FLNB: variants seen among roughly 807,000 people sequenced by gnomAD.
FLNB encodes the protein filamin-B.
Under a neutral mutation model 250.6 loss-of-function variants are expected in FLNB, and 111 were observed. The observed-to-expected ratio is 0.44, with a 90% CI of 0.38 to 0.52. The LOEUF is 0.52. FLNB is among the 20% of genes least tolerant of loss of function. FLNB has a pLI of 0.00. For synonymous variants in FLNB, 1,302 were observed against 1,372.1 expected (o/e 0.95, Z 1.13); for missense variants, 2,869 against 3,447.8 (o/e 0.83, Z 4.20).
intron 1 of FLNB, among the ~76,000 whole-genome samples, chr3:58,038,217 T>C (rs2097140910): frequency 6.6e-6 from 1 of 151,950 alleles, no homozygotes; most frequent in Non-Finnish European, 1.5e-5. Context: ...TTAGTAGAGA[T>C]GGGTTTTTGC....
rs79814779 is a variant in FLNB at position 58,130,302 on chromosome 3, T to C, written c.4223-439T>C. The stretch of plus-strand genomic sequence containing the variant: ...CTCGCCTCTAGGCTCCTGCATGTGC[T>C]GAGGCCTCTCTACTTGAAGCACCTC... On this transcript the variant is annotated intron_variant, in intron 24 of 45. Transcript: ENST00000295956. Among the ~76,000 whole-genome samples, 1,115 of 152,302 alleles carry C rather than the reference T, an allele frequency of 7.3e-3. 7 individuals carry two copies. The highest frequency in any genetic ancestry group is 0.01 in the Admixed American group (160 of 15,302).
chr3:58,089,512 C>T (rs541800282), intron 4 of FLNB, among the ~76,000 whole-genome samples: 2 of 148,660 alleles, frequency 1.3e-5, no homozygotes, highest in East Asian at 4.0e-4. Flanking sequence ...TGCCGTTGCC[C>T]TCCAGCCTGG....
intron 12 of FLNB, 133 bp downstream of exon 12, chr3:58,107,006 CCTG>C (rs1224437702): frequency 2.7e-6 from 2 of 739,226 alleles, no homozygotes; most frequent in Non-Finnish European, 4.8e-6. Context: ...AGGAAACAGG[CCTG>C]CATTTGTTTG....
At chr3:58,116,342 G>A (rs913458411) in intron 18 of FLNB, among the ~76,000 whole-genome samples, 4 of 152,208 alleles carry the variant, frequency 2.6e-5, no homozygotes, top group Admixed American at 6.5e-5. Flanking sequence ...TAACAGGCTG[G>A]AAATCCCCAG....
chr3:58,158,788 A>C (rs1031241040), intron 41 of FLNB, among the ~76,000 whole-genome samples: 17 of 152,184 alleles, frequency 1.1e-4, no homozygotes, highest in African/African-American at 4.1e-4. Context: ...AGCAAAAGCT[A>C]TGTCTTTCTA....
intron 1 of FLNB, among the ~76,000 whole-genome samples, chr3:58,054,195 T>C (rs1358920780): frequency 6.6e-6 from 1 of 152,180 alleles, no homozygotes; most frequent in African/African-American, 2.4e-5. Context: ...CTAAAGAACC[T>C]CCAAAGTTTA....
At chr3:58,104,110 C>G (rs761998967) in intron 10 of FLNB, 25 bp downstream of exon 10, 39 of 1,612,042 alleles carry the variant, frequency 2.4e-5, no homozygotes, top group East Asian at 4.5e-5. Flanking sequence ...GCAGAGGGGT[C>G]TTCTCTGGAG....
Position 58,057,778 on chromosome 3 carries a change from A to G in FLNB, c.293-19268A>G, listed in dbSNP as rs559914832. ...ATGGAATCTCAGATTTGGATCTAAT[A>G]CCACATGTAAGTCGAGTGGATTTTT... On this transcript the variant is annotated intron_variant, in intron 1 of 45. Transcript: ENST00000295956. Among the ~76,000 whole-genome samples, 6 of 152,234 alleles carry G rather than the reference A, an allele frequency of 3.9e-5. No individual in the cohort carries two copies. In the South Asian group the frequency reaches 1.2e-3, roughly 32 times the overall value.
At position 58,108,494 on chromosome 3, in the gene FLNB, T is replaced by G. The variant is rs1466442916; in HGVS notation, c.1978T>G (p.Cys660Gly). The G allele has an allele frequency of 6.2e-7, 1 of 1,614,016 alleles. No individual in the cohort carries two copies. Among genetic ancestry groups the G allele is most frequent in the Non-Finnish European group, 8.5e-7 (1 of 1,179,962 alleles). Residue 660 changes from cysteine to glycine, a missense_variant, in exon 13 of 46, where the codon TGC (cysteine) becomes GGC (glycine). Physicochemically the swap from Cys to Gly is radical, Grantham distance 159 (BLOSUM62 -3). This residue lies in a region of FLNB where 1,348 missense variants were observed against 1,466.7 expected (regional missense o/e 0.92). Transcript: ENST00000295956. The stretch of plus-strand genomic sequence containing the variant: ...CGGGCCAGGTTTGGAGAAATCTGGA[T>G]GCATTGTCAACAACCTGGCCGAGTT... ...AYGPGLEKSG[C>G]IVNNLAEFTV...
intron 19 of FLNB, 57 bp downstream of exon 19, chr3:58,119,046 G>A: frequency 7.9e-7 from 1 of 1,265,130 alleles, no homozygotes. Context: ...CGTGGCTGCT[G>A]GTTAGATTTT....
In FLNB at chr3:58,081,651, T is replaced by G. The variant is rs1395279349; in HGVS notation, c.662T>G (p.Ile221Ser). ...VPQVITPEEI[I>S]HPDVDEHSVM... is the part of the protein sequence containing the mutation. ...TAGGTCATCACTCCTGAAGAAATCA[T>G]TCACCCGGATGTGGACGAGCACTCA... is the stretch of plus-strand genomic sequence containing the variant. The change falls in exon 4 of 46, where the codon ATT (isoleucine) becomes AGT (serine). Residue 221 changes from isoleucine to serine, a missense_variant. Physicochemically the swap from Ile to Ser is moderately radical, Grantham distance 142. Coordinates refer to ENST00000295956, the MANE Select transcript of FLNB (RefSeq NM_001457.4). The G allele has an allele frequency of 1.2e-6, 2 of 1,614,140 alleles. No homozygotes were observed. Among genetic ancestry groups the G allele is most frequent in the Admixed American group, 3.3e-5 (2 of 60,018 alleles).
chr3:58,038,011 CTTA>C (rs1014755462), intron 1 of FLNB, among the ~76,000 whole-genome samples: 1 of 151,786 alleles, frequency 6.6e-6, no homozygotes, highest in East Asian at 2.0e-4. Context: ...GAGGCCTGTT[CTTA>C]TTGTTTGTTT....
At chr3:58,060,688 C>T (rs2097176820) in intron 1 of FLNB, among the ~76,000 whole-genome samples, 1 of 143,584 alleles carries the variant, frequency 7.0e-6, no homozygotes, top group African/African-American at 2.6e-5. Flanking sequence ...TGGCACACAC[C>T]CCTGTAGTCC....
At chr3:58,144,900 T>G (rs2107258775) in intron 32 of FLNB, among the ~76,000 whole-genome samples, 3 of 152,378 alleles carry the variant, frequency 2.0e-5, no homozygotes, top group Middle Eastern at 6.8e-3. Context: ...TTTCTTTTTC[T>G]GTGAACTGAA....
Position 58,011,728 on chromosome 3 carries a change from T to C in FLNB, c.292+2872T>C, listed in dbSNP as rs555120601. ...TTGGGGGCACCTACTGGGTGTTAAG[T>C]GTGTTCTGTTGATCACCCCATTGAA... On this transcript the variant is annotated intron_variant, in intron 1 of 45. Coordinates refer to ENST00000295956, the MANE Select transcript of FLNB (RefSeq NM_001457.4). Among the ~76,000 whole-genome samples, 93 of 152,344 alleles carry C rather than the reference T, an allele frequency of 6.1e-4. 4 individuals are homozygous for C. The South Asian group carries it at 0.018, about 29-fold the overall frequency.
chr3:58,130,732 C>G lies in FLNB; in HGVS notation c.4223-9C>G. On this transcript the variant is annotated splice_polypyrimidine_tract_variant and intron_variant, in intron 24 of 45. Transcript: ENST00000295956. ...GCTTGTGCTCAGAATCCCACAACCT[C>G]TCTTCCAGGCAGCCCCTTCAGGGTT... The G allele has an allele frequency of 6.2e-7, 1 of 1,611,450 alleles. No homozygotes were observed. The highest frequency in any genetic ancestry group is 8.5e-7 in the Non-Finnish European group (1 of 1,178,838).
Position 58,105,206 on chromosome 3 carries a change from G to A in FLNB, c.1737G>A (p.Val579=). 1 of 1,614,190 alleles carries A rather than the reference G, an allele frequency of 6.2e-7. No individual in the cohort carries two copies. ...TGGTAGAATCCATTGGCTCTGAAGT[G>A]GGGTCTCTGGGTAAGTGGACACAGC... ...DFVVESIGSE[V]GSLGFAIEGP... Residue 579 remains valine, a synonymous_variant, in exon 11 of 46, where the codon GTG becomes GTA. Coordinates refer to ENST00000295956, the MANE Select transcript of FLNB (RefSeq NM_001457.4).
chr3:58,131,884 C>G, intron 25 of FLNB: 1 of 1,305,748 alleles, frequency 7.7e-7, no homozygotes, highest in Non-Finnish European at 1.1e-6. Context: ...GGATATCTGC[C>G]TCTATTATGA....
intron 1 of FLNB, among the ~76,000 whole-genome samples, chr3:58,049,334 G>A (rs1043957006): frequency 4.6e-5 from 7 of 152,220 alleles, no homozygotes; most frequent in African/African-American, 7.2e-5. Context: ...GGAGCAAAGT[G>A]TAGTGGTATC....
Sources: gnomAD v4.1 joint callset for allele counts (sites outside exome capture counted in the v4.1 genomes callset) on GRCh38, gnomAD v4.1.1 for gene constraint, gnomAD v4.1.1 regional missense constraint, MANE v1.5 for transcripts, NCBI Gene and HGNC (gene_info 2026-07-23, HGNC 2026-07-21) for gene names.